UCHL3: variants seen among roughly 807,000 people sequenced by gnomAD.
UCHL3 encodes the protein ubiquitin C-terminal hydrolase L3, also known as ubiquitin carboxyl-terminal hydrolase isozyme L3.
UCHL3 carries 22 observed loss-of-function variants against 35.8 expected under a neutral mutation model. The observed-to-expected ratio is 0.61, with a 90% CI of 0.44 to 0.88. UCHL3 has a LOEUF of 0.88. UCHL3 is among the 40% of genes least tolerant of loss of function. UCHL3 has a pLI of 0.00. For synonymous variants in UCHL3, 90 were observed against 92.8 expected (o/e 0.97, Z 0.17); for missense variants, 229 against 276.9 (o/e 0.83, Z 1.23).
At chr13:75,555,687 C>T (rs1185699926) in intron 2 of UCHL3, among the ~76,000 whole-genome samples, 1 of 152,044 alleles carries the variant, frequency 6.6e-6, no homozygotes. Flanking sequence ...GTAACTTTCT[C>T]CAGTTGTCTA....
At chr13:75,595,160 A>G (rs1343822437) in intron 7 of UCHL3, among the ~76,000 whole-genome samples, 170 bp downstream of exon 7, 1 of 152,202 alleles carries the variant, frequency 6.6e-6, no homozygotes, top group African/African-American at 2.4e-5. Flanking sequence ...TACTAGAAAA[A>G]TGTTATTTTA....
intron 7 of UCHL3, among the ~76,000 whole-genome samples, chr13:75,600,970 G>T (rs369899006): frequency 6.6e-5 from 10 of 152,148 alleles, no homozygotes; most frequent in African/African-American, 1.9e-4. Context: ...GGAATAAGTT[G>T]GTTCCAATCC....
intron 8 of UCHL3, among the ~76,000 whole-genome samples, chr13:75,605,259 G>C (rs1199563262): frequency 2.0e-5 from 3 of 152,172 alleles, no homozygotes; most frequent in African/African-American, 7.2e-5. Flanking sequence ...TATAATCCCA[G>C]CACTTTGGGA....
chr13:75,592,448 A>ATATACATATATATATATATGTATATATG lies in UCHL3; in HGVS notation c.475-2463_475-2462insCATATATATATATATGTATATATGTATA, dbSNP rs1555276758. Among the ~76,000 whole-genome samples, 92 of 116,628 alleles carry ATATACATATATATATATATGTATATATG rather than the reference A, an allele frequency of 7.9e-4. 1 individual carries two copies. The highest frequency in any genetic ancestry group is 8.5e-3 in the Middle Eastern group (2 of 236). 76.5% of individuals were successfully genotyped at this position (116,628 alleles called of 152,430 possible). A position where few individuals can be genotyped will look rare whatever the true frequency, so the allele number is the denominator to read the frequency against. ...TATATATATATATATATATATATATATATATATATATATATATATGAAGGA... is the reference window on the plus strand; with the variant it reads ...TATATATATATATATATATATATATATATACATATATATATATATGTATATATGTATATATATATATATATATGAAGGA... On this transcript the variant is annotated intron_variant, in intron 6 of 8. Transcript: ENST00000377595.
chr13:75,563,705 A>C (rs2031590514), intron 3 of UCHL3, among the ~76,000 whole-genome samples: 2 of 151,982 alleles, frequency 1.3e-5, no homozygotes, highest in African/African-American at 4.8e-5. Context: ...TGTTTTTCCT[A>C]TACATCTGCT....
At chr13:75,574,465 C>T (rs1437291647) in intron 6 of UCHL3, among the ~76,000 whole-genome samples, 5 of 152,066 alleles carry the variant, frequency 3.3e-5, no homozygotes, top group African/African-American at 1.2e-4. Flanking sequence ...CATATATAGG[C>T]ATGTATAAGA....
intron 5 of UCHL3, among the ~76,000 whole-genome samples, chr13:75,568,212 A>C (rs1474577499): frequency 6.6e-6 from 1 of 152,130 alleles, no homozygotes; most frequent in Non-Finnish European, 1.5e-5. Context: ...TATTAAATAG[A>C]TTGTAAGTTC....
intron 2 of UCHL3, 30 bp downstream of exon 2, chr13:75,550,017 C>CG: frequency 6.2e-7 from 1 of 1,614,212 alleles, no homozygotes; most frequent in Non-Finnish European, 8.5e-7. Context: ...CTCGGGACCT[C>CG]GGAGTCTTTT....
intron 7 of UCHL3, among the ~76,000 whole-genome samples, chr13:75,599,260 T>C (rs1439181708): frequency 1.3e-5 from 2 of 151,864 alleles, no homozygotes; most frequent in African/African-American, 4.8e-5. Context: ...CATGAGGCAC[T>C]GCACACAGGC....
At chr13:75,595,644 A>G (rs2032627767) in intron 7 of UCHL3, among the ~76,000 whole-genome samples, 1 of 141,588 alleles carries the variant, frequency 7.1e-6, no homozygotes, top group African/African-American at 2.6e-5. Flanking sequence ...AATAGTTGTA[A>G]TGATTGGGCT....
chr13:75,594,283 A>G (rs2032585825), intron 6 of UCHL3, among the ~76,000 whole-genome samples: 1 of 152,202 alleles, frequency 6.6e-6, no homozygotes, highest in African/African-American at 2.4e-5. Context: ...TGTGAATTGT[A>G]CTTTAATTTG....
At chr13:75,595,155 G>C (rs963319815) in intron 7 of UCHL3, among the ~76,000 whole-genome samples, 165 bp downstream of exon 7, 1 of 152,162 alleles carries the variant, frequency 6.6e-6, no homozygotes, top group Non-Finnish European at 1.5e-5. Context: ...CAGTTTACTA[G>C]AAAAATGTTA....
intron 6 of UCHL3, among the ~76,000 whole-genome samples, chr13:75,575,183 C>T (rs1020229070): frequency 3.3e-5 from 5 of 152,086 alleles, no homozygotes; most frequent in Non-Finnish European, 7.4e-5. Flanking sequence ...TAGTCTTTTT[C>T]AGAAGATTGG....
At chr13:75,567,018 A>T (rs1255627018) in intron 4 of UCHL3, among the ~76,000 whole-genome samples, 167 bp downstream of exon 4, 4 of 152,188 alleles carry the variant, frequency 2.6e-5, no homozygotes, top group Non-Finnish European at 4.4e-5. Context: ...AATCCTTCTC[A>T]TTCTTTTATA....
In UCHL3 at chr13:75,558,864, T is replaced by C. The variant is rs560368188; in HGVS notation, c.55-1889T>C. Among the ~76,000 whole-genome samples the C allele has an allele frequency of 2.6e-5, 4 of 152,264 alleles. 1 individual carries two copies. The South Asian group carries it at 8.3e-4, about 32-fold the overall frequency. On this transcript the variant is annotated intron_variant, in intron 2 of 8. Coordinates refer to ENST00000377595, the MANE Select transcript of UCHL3 (RefSeq NM_006002.5). ...CTTGGCAGTTAATTTTTATCCTTTT[T>C]GGTTTTTAGATAGAATTGAATACTG...
chr13:75,560,044 G>T (rs1196261643), intron 2 of UCHL3, among the ~76,000 whole-genome samples: 8 of 152,098 alleles, frequency 5.3e-5, no homozygotes. Context: ...AGTTAAGTAG[G>T]TTTCATTGTG....
chr13:75,560,724 G>GT (rs8192742), intron 2 of UCHL3, 29 bp from the exon 3 acceptor site: 25,484 of 1,227,328 alleles, frequency 0.021, no homozygotes, highest in East Asian at 0.028. Context: ...ATGTTCCATT[G>GT]TTTTTTTTTT....
chr13:75,592,431 T>TGTATATAC (rs1566227907), intron 6 of UCHL3, among the ~76,000 whole-genome samples: 1 of 89,724 alleles, frequency 1.1e-5, no homozygotes. Flanking sequence ...TATATATATA[T>TGTATATAC]ATATATATAT....
intron 3 of UCHL3, among the ~76,000 whole-genome samples, chr13:75,561,850 C>T (rs1224518854): frequency 3.0e-4 from 15 of 49,722 alleles, no homozygotes; most frequent in East Asian, 7.2e-4. Flanking sequence ...TATACGTATA[C>T]ATACGTATAC....
Sources: gnomAD v4.1 joint callset for allele counts (sites outside exome capture counted in the v4.1 genomes callset) on GRCh38, gnomAD v4.1.1 for gene constraint, MANE v1.5 for transcripts, NCBI Gene and HGNC (gene_info 2026-07-23, HGNC 2026-07-21) for gene names.